DLGAP2: variants seen among roughly 807,000 people sequenced by gnomAD.
The protein encoded by DLGAP2 is DLG associated protein 2.
Under a neutral mutation model 100.3 loss-of-function variants are expected in DLGAP2, and 26 were observed. That is an observed-to-expected ratio of 0.26 (90% CI 0.19 to 0.36). DLGAP2 has a LOEUF of 0.36. DLGAP2 is among the 10% of genes least tolerant of loss of function. The pLI, the probability that DLGAP2 is intolerant of heterozygous loss-of-function variation, is 1.00. For missense variants in DLGAP2, 1,858 were observed against 1,453.2 expected (o/e 1.28, Z -4.53); for synonymous variants, 886 against 630.1 (o/e 1.41, Z -6.08).
intron 2 of DLGAP2, among the ~76,000 whole-genome samples, chr8:1,156,964 A>T (rs1462961150): frequency 4.0e-5 from 6 of 151,652 alleles, no homozygotes; most frequent in Non-Finnish European, 7.4e-5. Context: ...ACCGTGCTTA[A>T]TTCTCCACTG....
chr8:782,627 A>T (rs546269312), intron 1 of DLGAP2, among the ~76,000 whole-genome samples: 1 of 152,316 alleles, frequency 6.6e-6, no homozygotes, highest in East Asian at 1.9e-4. Flanking sequence ...ATGTGAAGAG[A>T]CCTGAAGGCA....
chr8:1,515,764 A>G (rs11782913), intron 4 of DLGAP2, among the ~76,000 whole-genome samples: 64,053 of 143,406 alleles, frequency 0.45, 14,458 homozygotes, highest in South Asian at 0.7. Flanking sequence ...ACATGCACAA[A>G]CATACAACAC....
At chr8:1,493,542 A>G (rs541311773) in intron 3 of DLGAP2, among the ~76,000 whole-genome samples, 20 of 152,330 alleles carry the variant, frequency 1.3e-4, no homozygotes, top group South Asian at 4.1e-4. Context: ...ACACACCTGA[A>G]CGTGTGTGGG....
intron 14 of DLGAP2, among the ~76,000 whole-genome samples, chr8:1,700,725 A>C (rs1467113586): frequency 6.6e-6 from 1 of 152,296 alleles, no homozygotes; most frequent in East Asian, 1.9e-4. Context: ...CATTCACGTA[A>C]GATGGTTTTC....
intron 2 of DLGAP2, among the ~76,000 whole-genome samples, chr8:982,574 C>T (rs1800367786): frequency 6.6e-6 from 1 of 152,120 alleles, no homozygotes; most frequent in African/African-American, 2.4e-5. Context: ...GGCCAACTTG[C>T]TATGGAGGGA....
At chr8:1,153,142 T>C (rs1209777704) in intron 2 of DLGAP2, among the ~76,000 whole-genome samples, 1 of 152,218 alleles carries the variant, frequency 6.6e-6, no homozygotes, top group African/African-American at 2.4e-5. Flanking sequence ...TCCACTTTTC[T>C]TCCTGCAAAG....
At chr8:1,305,457 C>T (rs954111111) in intron 3 of DLGAP2, among the ~76,000 whole-genome samples, 3 of 152,142 alleles carry the variant, frequency 2.0e-5, no homozygotes, top group Non-Finnish European at 2.9e-5. Context: ...TTATAGTCAT[C>T]CCTGGGTGTC....
chr8:1,506,832 A>C (rs1160365045), intron 4 of DLGAP2, among the ~76,000 whole-genome samples: 2 of 152,154 alleles, frequency 1.3e-5, no homozygotes, highest in African/African-American at 4.8e-5. Context: ...AAGTTTTCCA[A>C]GTCCCCACTA....
chr8:874,400 T>A (rs979282111), intron 1 of DLGAP2, among the ~76,000 whole-genome samples: 3 of 152,052 alleles, frequency 2.0e-5, no homozygotes, highest in African/African-American at 2.4e-5. Flanking sequence ...ATGTGTTGAG[T>A]CTTCATTTTC....
intron 2 of DLGAP2, among the ~76,000 whole-genome samples, chr8:930,862 G>A (rs201131682): frequency 2.6e-5 from 4 of 152,214 alleles, no homozygotes; most frequent in Non-Finnish European, 5.9e-5. Context: ...GGAGGGAGGC[G>A]CCTTGCTCAT....
chr8:1,498,663 C>T (rs181656922), intron 3 of DLGAP2, among the ~76,000 whole-genome samples: 184 of 152,284 alleles, frequency 1.2e-3, no homozygotes, highest in Middle Eastern at 3.4e-3. Context: ...ACCTGAATAA[C>T]TGTAATGAAA....
chr8:1,426,777 A>G (rs755585076), intron 3 of DLGAP2, among the ~76,000 whole-genome samples: 2 of 152,230 alleles, frequency 1.3e-5, no homozygotes, highest in Non-Finnish European at 2.9e-5. Flanking sequence ...AAGAAAAATA[A>G]AATTCCCACC....
chr8:1,096,048 T>G (rs1804355342), intron 2 of DLGAP2, among the ~76,000 whole-genome samples: 1 of 152,222 alleles, frequency 6.6e-6, no homozygotes, highest in Admixed American at 6.5e-5. Flanking sequence ...AGTGTAAACA[T>G]TGTTCAAAAC....
In DLGAP2 at chr8:1,703,987, G is replaced by A. The variant is rs867338707; in HGVS notation, c.*2581G>A. The A allele has an allele frequency of 2.6e-5, 4 of 152,568 alleles. No individual in the cohort carries two copies. Among genetic ancestry groups the A allele is most frequent in the South Asian group, 2.1e-4 (1 of 4,822 alleles). The allele number at this position is 152,568 out of a possible 1,614,324, so 9.5% of individuals were successfully genotyped here. On this transcript the variant is annotated 3_prime_UTR_variant, in exon 15 of 15. Coordinates refer to ENST00000637795, the MANE Select transcript of DLGAP2 (RefSeq NM_001346810.2). ...AGACCTGATGGAATGTTACCTGTCC[G>A]TGTTACATAATCAAGTGCAATATAC...
At chr8:813,663 A>G (rs977308424) in intron 1 of DLGAP2, among the ~76,000 whole-genome samples, 1 of 152,180 alleles carries the variant, frequency 6.6e-6, no homozygotes, top group Non-Finnish European at 1.5e-5. Context: ...ACCCTCCTCC[A>G]GGGGCCTGCT....
chr8:1,655,746 T>C (rs886730690), intron 8 of DLGAP2, among the ~76,000 whole-genome samples: 4 of 152,252 alleles, frequency 2.6e-5, no homozygotes, highest in Admixed American at 6.5e-5. Flanking sequence ...TCCACGAGGT[T>C]GGCTAACCCA....
intron 2 of DLGAP2, among the ~76,000 whole-genome samples, chr8:1,198,186 G>A (rs911848423): frequency 6.6e-6 from 1 of 152,110 alleles, no homozygotes; most frequent in African/African-American, 2.4e-5. Context: ...GGGCTATGCT[G>A]CGGCGAAAAG....
intron 2 of DLGAP2, among the ~76,000 whole-genome samples, chr8:1,053,211 A>G (rs1272378742): frequency 2.6e-5 from 4 of 152,226 alleles, no homozygotes; most frequent in Non-Finnish European, 5.9e-5. Flanking sequence ...CATCCATCAG[A>G]TTCGGAACCT....
chr8:1,569,733 C>G (rs978694226), intron 6 of DLGAP2, among the ~76,000 whole-genome samples: 1 of 152,244 alleles, frequency 6.6e-6, no homozygotes, highest in African/African-American at 2.4e-5. Context: ...GCACAAGCCA[C>G]CAAGGCTCTC....
Sources: allele counts gnomAD v4.1 joint callset (sites outside exome capture counted in the v4.1 genomes callset), GRCh38; gene constraint gnomAD v4.1.1; transcripts MANE v1.5; gene names NCBI Gene and HGNC (gene_info 2026-07-23, HGNC 2026-07-21).